The following WDR26 variants were observed in gnomAD, a reference collection of about 807,000 sequenced individuals.
The protein encoded by WDR26 is WD repeat-containing protein 26.
In WDR26, 5 loss-of-function variants were observed where a neutral mutation model predicts 84.1. The ratio of observed to expected loss-of-function variants is 0.06; its 90% confidence interval spans 0.03 to 0.13. WDR26 has a LOEUF of 0.13. Ranked by LOEUF, WDR26 falls within the 10% of genes least tolerant of loss-of-function variation. The probability of loss-of-function intolerance (pLI) is 1.00; values close to 1 mark genes in which losing one functional copy is unlikely to be tolerated. For synonymous variants in WDR26, 415 were observed against 389.6 expected, an observed-to-expected ratio of 1.07 and a Z score of -0.77; for missense variants, 642 against 974.9, an observed-to-expected ratio of 0.66 and a Z score of 4.55.
chr1:224,415,460 T>C (rs1365033761), intron 6 of WDR26, among the ~76,000 whole-genome samples: 15 of 83,288 alleles, frequency 1.8e-4, no homozygotes, highest in Non-Finnish European at 2.9e-4. Context: ...TTTCTTTTTT[T>C]TTTTTTTTTT....
chr1:224,421,497 G>C (rs1042493663), intron 4 of WDR26, among the ~76,000 whole-genome samples: 1 of 152,210 alleles, frequency 6.6e-6, no homozygotes, highest in Non-Finnish European at 1.5e-5. Context: ...GGCTGAGGCA[G>C]GAGAATTGCT....
At position 224,404,746 on chromosome 1, in the gene WDR26, A is replaced by G. The variant is rs1031715674; in HGVS notation, c.1459-176T>C. Among the ~76,000 whole-genome samples, 19 of 152,350 alleles carry G rather than the reference A, an allele frequency of 1.2e-4. No individual in the cohort carries two copies. The East Asian group carries it at 2.5e-3, about 20-fold the overall frequency. ...AAGACTCATTCACATTGCAACATCT[A>G]TTAAGCATCTACTACACTATTAGGC... On this transcript the variant is annotated intron_variant, in intron 7 of 13. Transcript: ENST00000414423.
rs150512167 is a variant in WDR26, at chr1:224,424,520, A to G, written c.1062T>C (p.Ser354=). 1.9e-6 allele frequency: 3 copies of G among 1,613,738 alleles called. No individual in the cohort carries two copies. The highest frequency in any genetic ancestry group is 2.7e-5 in the African/African-American group (2 of 74,906). ...GTTCAAGAACTCAGTTTCCTTACCC[A>G]CTAAGAACATGAATGCGCTCTGTAT... Residue 354 remains serine (S), a splice_region_variant and synonymous_variant, in exon 4 of 14, where the codon AGT becomes AGC. Transcript: ENST00000414423.
chr1:224,410,046 C>T lies in WDR26; in HGVS notation c.1458+1381G>A, dbSNP rs766055569. On this transcript the variant is annotated intron_variant, in intron 7 of 13. Transcript: ENST00000414423. ...CTGTAATCCCAGCACTTTGGGAGGCCGAGGAGGGCAGATCACCTGAGGTCA... is the reference window on the plus strand; with the variant it reads ...CTGTAATCCCAGCACTTTGGGAGGCTGAGGAGGGCAGATCACCTGAGGTCA... 9.0e-4 allele frequency among the ~76,000 whole-genome samples: 136 copies of T among 151,732 alleles called. 1 individual carries two copies. The highest frequency in any genetic ancestry group is 1.2e-3 in the Non-Finnish European group (83 of 67,914).
intron 12 of WDR26, among the ~76,000 whole-genome samples, chr1:224,395,028 G>A (rs1042309639): frequency 6.6e-6 from 1 of 152,032 alleles, no homozygotes; most frequent in African/African-American, 2.4e-5. Context: ...TGTAATAAAC[G>A]AATCTTCAAA....
At chr1:224,409,687 C>A (rs1446042482) in intron 7 of WDR26, among the ~76,000 whole-genome samples, 1 of 151,620 alleles carries the variant, frequency 6.6e-6, no homozygotes, top group Non-Finnish European at 1.5e-5. Context: ...ATGGTGAAAC[C>A]CCGTCTCTAC....
At chr1:224,421,638 A>C (rs373580203) in intron 4 of WDR26, among the ~76,000 whole-genome samples, 1 of 152,132 alleles carries the variant, frequency 6.6e-6, no homozygotes, top group South Asian at 2.1e-4. Flanking sequence ...CCATATCAAA[A>C]CATCTAGCAG....
chr1:224,397,877 G>C (rs1408871443), intron 12 of WDR26: 3 of 544,742 alleles, frequency 5.5e-6, no homozygotes, highest in African/African-American at 2.0e-5. Flanking sequence ...GGAGGGCTTA[G>C]GTCATTACAG....
intron 7 of WDR26, among the ~76,000 whole-genome samples, chr1:224,407,312 A>G (rs1313994157): frequency 6.8e-6 from 1 of 146,572 alleles, no homozygotes; most frequent in Non-Finnish European, 1.5e-5. Flanking sequence ...ATGTTTGTGG[A>G]GCCTATATGA....
intron 4 of WDR26, among the ~76,000 whole-genome samples, chr1:224,423,276 T>C (rs935492444): frequency 6.6e-6 from 1 of 152,208 alleles, no homozygotes; most frequent in Non-Finnish European, 1.5e-5. Flanking sequence ...CAATACAATG[T>C]TGAACAGACG....
At chr1:224,409,333 T>A (rs1673667965) in intron 7 of WDR26, among the ~76,000 whole-genome samples, 1 of 152,188 alleles carries the variant, frequency 6.6e-6, no homozygotes. Flanking sequence ...CTTTCCTTAG[T>A]AATGAATACA....
At chr1:224,424,066 G>C (rs549891210) in intron 4 of WDR26, among the ~76,000 whole-genome samples, 192 of 152,006 alleles carry the variant, frequency 1.3e-3, no homozygotes, top group African/African-American at 4.4e-3. Flanking sequence ...CCCCAAAAAA[G>C]GACTGATGTT....
At chr1:224,411,347 T>C in intron 7 of WDR26, 80 bp downstream of exon 7, 1 of 1,443,336 alleles carries the variant, frequency 6.9e-7, no homozygotes, top group South Asian at 1.6e-5. Context: ...GATACATATA[T>C]ACTTAAAAAT....
At chr1:224,428,783 G>A (rs1383105890) in intron 3 of WDR26, among the ~76,000 whole-genome samples, 1 of 151,340 alleles carries the variant, frequency 6.6e-6, no homozygotes. Context: ...ATGGACACCT[G>A]TAATTCCAAC....
chr1:224,395,262 C>T (rs1007148309), intron 12 of WDR26, among the ~76,000 whole-genome samples: 2 of 152,188 alleles, frequency 1.3e-5, no homozygotes, highest in African/African-American at 2.4e-5. Flanking sequence ...ACACCATTTA[C>T]TACTGTGACG....
At chr1:224,391,225 G>C (rs1167750371) in intron 13 of WDR26, among the ~76,000 whole-genome samples, 3 of 151,526 alleles carry the variant, frequency 2.0e-5, no homozygotes, top group Non-Finnish European at 4.4e-5. Flanking sequence ...AATTAGCCGG[G>C]CGTGGTGATG....
intron 4 of WDR26, among the ~76,000 whole-genome samples, chr1:224,423,522 G>A (rs145933822): frequency 6.6e-6 from 1 of 152,312 alleles, no homozygotes; most frequent in African/African-American, 2.4e-5. Flanking sequence ...GAAGCAGGTG[G>A]ATTGCTTAAG....
chr1:224,404,902 A>G (rs2102898166), intron 7 of WDR26, among the ~76,000 whole-genome samples: 1 of 152,358 alleles, frequency 6.6e-6, no homozygotes, highest in African/African-American at 2.4e-5. Context: ...AGATGGGTAT[A>G]ATAAGAGCTA....
intron 3 of WDR26, among the ~76,000 whole-genome samples, chr1:224,428,064 T>G (rs1195536646): frequency 6.6e-6 from 1 of 152,222 alleles, no homozygotes; most frequent in Non-Finnish European, 1.5e-5. Flanking sequence ...TTTTACCATC[T>G]CTGGGCCCAG....
Sources: gnomAD v4.1 joint callset for allele counts (sites outside exome capture counted in the v4.1 genomes callset) on GRCh38, gnomAD v4.1.1 for gene constraint, MANE v1.5 for transcripts, NCBI Gene and HGNC (gene_info 2026-07-23, HGNC 2026-07-21) for gene names.